Variants in MACROD2 observed in about 807,000 individuals in gnomAD.
MACROD2 encodes the protein mono-ADP ribosylhydrolase 2, also known as ADP-ribose glycohydrolase MACROD2.
A neutral mutation model predicts 70.4 loss-of-function variants in MACROD2; 36 were observed. That is an observed-to-expected ratio of 0.51 (90% CI 0.39 to 0.68). The LOEUF is 0.68. MACROD2 is among the 30% of genes least tolerant of loss of function. The probability of loss-of-function intolerance (pLI) is 0.00; values close to 1 mark genes in which losing one functional copy is unlikely to be tolerated. For missense variants in MACROD2, 496 were observed against 538.4 expected, an observed-to-expected ratio of 0.92 and a Z score of 0.78; for synonymous variants, 172 against 178.8, an observed-to-expected ratio of 0.96 and a Z score of 0.30.
intron 6 of MACROD2, among the ~76,000 whole-genome samples, chr20:15,355,718 A>G (rs541303890): frequency 2.0e-5 from 3 of 152,278 alleles, no homozygotes; most frequent in African/African-American, 7.2e-5. Flanking sequence ...CTTTATCATT[A>G]ATAATAACAA....
chr20:14,029,192 T>C (rs2053217821), intron 2 of MACROD2, among the ~76,000 whole-genome samples: 1 of 152,346 alleles, frequency 6.6e-6, no homozygotes, highest in African/African-American at 2.4e-5. Context: ...AACTAAGTTC[T>C]TATACAGGCA....
chr20:14,234,642 G>A (rs149452921), intron 3 of MACROD2, among the ~76,000 whole-genome samples: 1 of 152,100 alleles, frequency 6.6e-6, no homozygotes, highest in African/African-American at 2.4e-5. Flanking sequence ...CAGATGAAAT[G>A]GTTTCTATTG....
intron 8 of MACROD2, among the ~76,000 whole-genome samples, chr20:15,627,473 T>G (rs1006477957): frequency 6.6e-6 from 1 of 151,954 alleles, no homozygotes; most frequent in African/African-American, 2.4e-5. Context: ...CTGGAAGACT[T>G]GTAGGTTAGG....
chr20:14,752,082 T>C (rs1339012659), intron 5 of MACROD2, among the ~76,000 whole-genome samples: 1 of 143,152 alleles, frequency 7.0e-6, no homozygotes, highest in African/African-American at 2.8e-5. Flanking sequence ...CATCTCCTCA[T>C]CTTTTTTTTT....
intron 3 of MACROD2, among the ~76,000 whole-genome samples, chr20:14,431,940 T>C (rs1014524522): frequency 4.6e-5 from 7 of 152,186 alleles, no homozygotes; most frequent in Non-Finnish European, 8.8e-5. Flanking sequence ...GTATTATATT[T>C]AGAGTACTTC....
intron 7 of MACROD2, among the ~76,000 whole-genome samples, chr20:15,443,953 T>G (rs1480260094): frequency 1.3e-5 from 2 of 152,152 alleles, no homozygotes; most frequent in Non-Finnish European, 2.9e-5. Flanking sequence ...AGCCTAATCT[T>G]TTAGATGTGG....
intron 5 of MACROD2, among the ~76,000 whole-genome samples, chr20:15,066,598 G>A (rs998777936): frequency 6.6e-6 from 1 of 151,960 alleles, no homozygotes; most frequent in African/African-American, 2.4e-5. Flanking sequence ...CAGTGAACTC[G>A]GCCAGGAGCA....
At chr20:14,190,916 C>A (rs2148738650) in intron 3 of MACROD2, among the ~76,000 whole-genome samples, 1 of 151,238 alleles carries the variant, frequency 6.6e-6, no homozygotes, top group South Asian at 2.1e-4. Flanking sequence ...ACCGTGTTAG[C>A]CAGGATGGTC....
chr20:14,197,825 G>A lies in MACROD2; in HGVS notation c.271+112097G>A, dbSNP rs2081445575. 2.0e-5 allele frequency among the ~76,000 whole-genome samples: 3 copies of A among 152,202 alleles called. No homozygotes were observed. In the South Asian group the frequency reaches 6.2e-4, roughly 32 times the overall value. On this transcript the variant is annotated intron_variant, in intron 3 of 17. Transcript: ENST00000684519. The stretch of plus-strand genomic sequence containing the variant: ...TAACAGAGAAGTAGGAAGTAGATGT[G>A]TTTAAAGCTAAACAACCTTTTAAAA...
intron 3 of MACROD2, among the ~76,000 whole-genome samples, chr20:14,365,395 T>C (rs578084036): frequency 6.1e-4 from 93 of 151,338 alleles, no homozygotes; most frequent in Non-Finnish European, 1.1e-3. Flanking sequence ...TAAATAATTA[T>C]ATAATAATAT....
chr20:15,075,397 A>G (rs2075650231), intron 5 of MACROD2, among the ~76,000 whole-genome samples: 1 of 152,202 alleles, frequency 6.6e-6, no homozygotes, highest in South Asian at 2.1e-4. Context: ...TACATTGTGT[A>G]TCTATCAGCT....
rs535319769 is a variant in MACROD2 at position 15,735,669 on chromosome 20, G to A, written c.646-127076G>A. Among the ~76,000 whole-genome samples, 3 of 152,264 alleles carry A rather than the reference G, an allele frequency of 2.0e-5. No individual in the cohort carries two copies. The East Asian group carries it at 5.8e-4, about 29-fold the overall frequency. Reference sequence around the variant, plus strand: ...TCAATTCTACTTTTTGTATTGGCAGGACTTGGCAAAGAATTGCAGTGCATG... The same window carrying A: ...TCAATTCTACTTTTTGTATTGGCAGAACTTGGCAAAGAATTGCAGTGCATG... On this transcript the variant is annotated intron_variant, in intron 8 of 17. Transcript: ENST00000684519.
chr20:15,435,291 T>C (rs2146364561), intron 7 of MACROD2, among the ~76,000 whole-genome samples: 1 of 152,286 alleles, frequency 6.6e-6, no homozygotes, highest in South Asian at 2.1e-4. Context: ...TTCAAGTATC[T>C]CATGAGATCT....
chr20:14,423,416 G>A (rs888355188), intron 3 of MACROD2, among the ~76,000 whole-genome samples: 6 of 151,582 alleles, frequency 4.0e-5, no homozygotes, highest in African/African-American at 1.2e-4. Flanking sequence ...AGAACTTGAT[G>A]CGGCCTGGAG....
At chr20:14,272,948 C>G (rs796801897) in intron 3 of MACROD2, among the ~76,000 whole-genome samples, 2,347 of 151,892 alleles carry the variant, frequency 0.015, 34 homozygotes, top group Non-Finnish European at 0.025. Context: ...AGCTAACTAT[C>G]CTAAATATAT....
chr20:14,334,332 AG>A (rs1200322349), intron 3 of MACROD2, among the ~76,000 whole-genome samples: 1 of 152,198 alleles, frequency 6.6e-6, no homozygotes, highest in Non-Finnish European at 1.5e-5. Flanking sequence ...TTTTCTTAAG[AG>A]GAAGAATGCT....
chr20:14,993,193 C>T (rs766172826), intron 5 of MACROD2, among the ~76,000 whole-genome samples: 19 of 151,244 alleles, frequency 1.3e-4, no homozygotes, highest in African/African-American at 2.4e-4. Flanking sequence ...CCTTGCTATT[C>T]GTGAACTTGT....
intron 6 of MACROD2, among the ~76,000 whole-genome samples, chr20:15,242,447 T>A (rs1055734779): frequency 6.6e-5 from 10 of 152,306 alleles, no homozygotes; most frequent in African/African-American, 2.4e-4. Context: ...ATATAATAAG[T>A]GTTTGAGAAT....
At chr20:14,598,902 C>T (rs191127959) in intron 4 of MACROD2, among the ~76,000 whole-genome samples, 137 of 151,898 alleles carry the variant, frequency 9.0e-4, no homozygotes, top group African/African-American at 3.0e-3. Flanking sequence ...GAGTTATACT[C>T]GAAGCACATC....
Sources: gnomAD v4.1 joint callset for allele counts (sites outside exome capture counted in the v4.1 genomes callset) on GRCh38, gnomAD v4.1.1 for gene constraint, MANE v1.5 for transcripts, NCBI Gene and HGNC (gene_info 2026-07-23, HGNC 2026-07-21) for gene names.